The following CSGALNACT1 variants were observed in gnomAD, a reference collection of about 807,000 sequenced individuals.
CSGALNACT1 encodes chondroitin sulfate N-acetylgalactosaminyltransferase 1, also known as beta4GalNAcT-1.
Under a neutral mutation model 51.0 loss-of-function variants are expected in CSGALNACT1, and 52 were observed. That is an observed-to-expected ratio of 1.02 (90% CI 0.82 to 1.29). The LOEUF is 1.29. Ranked by LOEUF, CSGALNACT1 falls within the 50% of genes most tolerant of loss-of-function variation. CSGALNACT1 has a pLI of 0.00. For missense variants in CSGALNACT1, 935 were observed against 679.2 expected (o/e 1.38, Z -4.19); for synonymous variants, 341 against 254.4 (o/e 1.34, Z -3.24).
chr8:19,557,926 T>A (rs1588307867), intron 3 of CSGALNACT1, among the ~76,000 whole-genome samples: 1 of 152,222 alleles, frequency 6.6e-6, no homozygotes, highest in Non-Finnish European at 1.5e-5. Flanking sequence ...TGAAACCATA[T>A]CAAAAGGTGC....
chr8:19,409,216 C>A (rs3802329), intron 8 of CSGALNACT1, among the ~76,000 whole-genome samples: 50,975 of 152,100 alleles, frequency 0.34, 10,492 homozygotes, highest in East Asian at 0.81. Context: ...AAAGAAATAT[C>A]TGAGAGACTT....
At chr8:19,531,937 G>A (rs1158453585) in intron 3 of CSGALNACT1, 1 of 152,172 alleles carries the variant, frequency 6.6e-6, no homozygotes, top group African/African-American at 2.4e-5. Context: ...TTCCCTGGAT[G>A]CTTGGGCTTC....
At chr8:19,540,693 G>T (rs978093777) in intron 3 of CSGALNACT1, among the ~76,000 whole-genome samples, 4 of 152,180 alleles carry the variant, frequency 2.6e-5, no homozygotes, top group African/African-American at 7.2e-5. Context: ...TTCAGCCACA[G>T]TGCTATATGC....
chr8:19,586,174 C>G (rs1490806296), intron 3 of CSGALNACT1, among the ~76,000 whole-genome samples: 1 of 152,024 alleles, frequency 6.6e-6, no homozygotes, highest in Non-Finnish European at 1.5e-5. Context: ...ACTAGCCTGG[C>G]CAACATAGCA....
chr8:19,652,385 C>T (rs2057893480), intron 1 of CSGALNACT1, among the ~76,000 whole-genome samples: 1 of 152,140 alleles, frequency 6.6e-6, no homozygotes, highest in Admixed American at 6.6e-5. Flanking sequence ...TATACAAATT[C>T]AAATATTCAT....
At chr8:19,595,072 C>G (rs2048618116) in intron 2 of CSGALNACT1, among the ~76,000 whole-genome samples, 1 of 152,144 alleles carries the variant, frequency 6.6e-6, no homozygotes, top group Non-Finnish European at 1.5e-5. Flanking sequence ...CAATAGATTC[C>G]TTTCCTGCTT....
At chr8:19,533,018 G>GA (rs2083076376) in intron 3 of CSGALNACT1, among the ~76,000 whole-genome samples, 1 of 152,108 alleles carries the variant, frequency 6.6e-6, no homozygotes, top group South Asian at 2.1e-4. Context: ...TGCTCCTTAA[G>GA]ACTTATCTTA....
intron 1 of CSGALNACT1, among the ~76,000 whole-genome samples, chr8:19,720,457 T>G (rs2006476): frequency 6.6e-6 from 1 of 151,952 alleles, no homozygotes; most frequent in African/African-American, 2.4e-5. Context: ...GCTAAAAGCA[T>G]TTAAATTGGG....
chr8:19,505,036 T>C (rs1417731695), intron 4 of CSGALNACT1, among the ~76,000 whole-genome samples, 165 bp downstream of exon 3: 11 of 152,190 alleles, frequency 7.2e-5, no homozygotes, highest in African/African-American at 4.8e-5. Context: ...CAGATGTTTC[T>C]GAAAAATAAA....
rs145314543 is a variant in CSGALNACT1 at position 19,643,521 on chromosome 8, C to T, written c.-544+38952G>A. On this transcript the variant is annotated intron_variant, in intron 1 of 9. Transcript: ENST00000332246. ...GGTGTGATAGTGTGCACCTGTAATC[C>T]CAGCTACTTGGGAGGCTAAGACAAA... is the stretch of plus-strand genomic sequence containing the variant. Among the ~76,000 whole-genome samples, 4 of 151,988 alleles carry T rather than the reference C, an allele frequency of 2.6e-5. No homozygotes were observed. The East Asian group carries it at 7.8e-4, about 30-fold the overall frequency.
At chr8:19,626,489 C>A (rs752504303) in intron 1 of CSGALNACT1, among the ~76,000 whole-genome samples, 1 of 151,940 alleles carries the variant, frequency 6.6e-6, no homozygotes, top group Non-Finnish European at 1.5e-5. Context: ...AAATATAAAA[C>A]CTTTAGAAAA....
intron 3 of CSGALNACT1, among the ~76,000 whole-genome samples, chr8:19,570,291 T>C (rs989777152): frequency 3.9e-5 from 6 of 152,180 alleles, no homozygotes; most frequent in Non-Finnish European, 7.3e-5. Context: ...TCATTTTAAT[T>C]ATGGGAAGCC....
At chr8:19,587,588 G>C (rs1315725445) in intron 3 of CSGALNACT1, among the ~76,000 whole-genome samples, 2 of 152,162 alleles carry the variant, frequency 1.3e-5, no homozygotes, top group African/African-American at 4.8e-5. Context: ...CCTGGAATAA[G>C]GTTACCAGAC....
At chr8:19,740,432 G>T (rs980898225) in intron 1 of CSGALNACT1, among the ~76,000 whole-genome samples, 2 of 152,202 alleles carry the variant, frequency 1.3e-5, no homozygotes, top group Non-Finnish European at 2.9e-5. Flanking sequence ...AGGATGAAAG[G>T]ACAGTGACGG....
intron 1 of CSGALNACT1, among the ~76,000 whole-genome samples, chr8:19,610,557 G>T (rs1164318314): frequency 6.6e-6 from 1 of 152,042 alleles, no homozygotes; most frequent in African/African-American, 2.4e-5. Context: ...ACAGGCGCTG[G>T]ACAACCACAG....
chr8:19,741,302 C>T (rs918208114), intron 1 of CSGALNACT1, among the ~76,000 whole-genome samples: 1 of 152,170 alleles, frequency 6.6e-6, no homozygotes, highest in African/African-American at 2.4e-5. Flanking sequence ...CAGTGGCTTA[C>T]GCCTGTAATT....
At chr8:19,684,160 C>T (rs891313727), upstream of CSGALNACT1, among the ~76,000 whole-genome samples, 1 of 146,384 alleles carries the variant, frequency 6.8e-6, no homozygotes, top group Admixed American at 6.9e-5. Context: ...AACTTGACTC[C>T]ATCTCAAAAA....
intron 3 of CSGALNACT1, among the ~76,000 whole-genome samples, chr8:19,516,170 T>C (rs1469280743): frequency 6.6e-6 from 1 of 152,140 alleles, no homozygotes; most frequent in Non-Finnish European, 1.5e-5. Context: ...CCAGACATCA[T>C]ACAAAGCACT....
chr8:19,591,039 A>G (rs935473803), intron 3 of CSGALNACT1: 5 of 152,256 alleles, frequency 3.3e-5, no homozygotes, highest in African/African-American at 1.2e-4. Flanking sequence ...CCGTGAACCA[A>G]GAACGGTGAA....
Sources: gnomAD v4.1 joint callset for allele counts (sites outside exome capture counted in the v4.1 genomes callset) on GRCh38, gnomAD v4.1.1 for gene constraint, MANE v1.5 for transcripts, NCBI Gene and HGNC (gene_info 2026-07-23, HGNC 2026-07-21) for gene names.